COLQ: variants seen among roughly 807,000 people sequenced by gnomAD.
The protein encoded by COLQ is collagen like tail subunit of asymmetric acetylcholinesterase.
COLQ carries 48 observed loss-of-function variants against 69.0 expected under a neutral mutation model. That is an observed-to-expected ratio of 0.70 (90% CI 0.55 to 0.88). COLQ has a LOEUF of 0.88. Ranked by LOEUF, COLQ falls within the 40% of genes least tolerant of loss-of-function variation. COLQ has a pLI of 0.00. For synonymous variants in COLQ, 217 were observed against 211.2 expected (o/e 1.03, Z -0.24); for missense variants, 618 against 594.6 (o/e 1.04, Z -0.41).
Position 15,454,651 on chromosome 3 carries a change from GT to G in COLQ, c.1196-721del, listed in dbSNP as rs56053367. 4.9e-3 allele frequency among the ~76,000 whole-genome samples: 584 copies of G among 118,104 alleles called. 2 individuals are homozygous for G. Among genetic ancestry groups the G allele is most frequent in the African/African-American group, 0.016 (467 of 28,396 alleles). The allele number at this position is 118,104 out of a possible 152,430, so 77.5% of individuals were successfully genotyped here. Reference sequence around the variant, plus strand: ...TGCCCTGTCATCCTTCCCCTGAACTGTTTTTTTTTTTTTTTTTTTTTTGAGA... The same window carrying G: ...TGCCCTGTCATCCTTCCCCTGAACTGTTTTTTTTTTTTTTTTTTTTTGAGA... On this transcript the variant is annotated intron_variant, in intron 15 of 16. Transcript: ENST00000383788.
chr3:15,475,396 G>A lies in COLQ; in HGVS notation c.528+29C>T. ...CTGCTCCAGAGCCTGACAGAGATCTGGGAACGTCCATTTGGACCCCACACT... is the reference window on the plus strand; with the variant it reads ...CTGCTCCAGAGCCTGACAGAGATCTAGGAACGTCCATTTGGACCCCACACT... On this transcript the variant is annotated intron_variant, in intron 7 of 16. Coordinates refer to ENST00000383788, the MANE Select transcript of COLQ (RefSeq NM_005677.4). The A allele has an allele frequency of 3.8e-6, 6 of 1,572,044 alleles. No homozygotes were observed. In the East Asian group the frequency reaches 9.2e-5, roughly 24 times the overall value.
At chr3:15,474,190 G>A (rs1197205342) in intron 9 of COLQ, 38 bp downstream of exon 9, 1 of 1,612,264 alleles carries the variant, frequency 6.2e-7, no homozygotes, top group Non-Finnish European at 8.5e-7. Context: ...TACTTGCACT[G>A]ACATTTATCA....
At chr3:15,498,634 G>C in intron 1 of COLQ, 2 of 1,551,402 alleles carry the variant, frequency 1.3e-6, no homozygotes, top group East Asian at 4.9e-5. Context: ...ACTAGCCGGA[G>C]ACAGGCTGAG....
intron 5 of COLQ, 172 bp downstream of exon 5, chr3:15,478,805 G>T: frequency 1.3e-6 from 1 of 781,536 alleles, no homozygotes; most frequent in Non-Finnish European, 2.2e-6. Context: ...CAAAGAAGTT[G>T]ACAGAAAGGG....
At chr3:15,518,654 A>G (rs2063093970) in intron 1 of COLQ, among the ~76,000 whole-genome samples, 1 of 152,188 alleles carries the variant, frequency 6.6e-6, no homozygotes, top group Non-Finnish European at 1.5e-5. Flanking sequence ...TTTCTTGAAG[A>G]CAGTGAAGGA....
At chr3:15,503,605 T>C (rs1481779130) in intron 1 of COLQ, among the ~76,000 whole-genome samples, 1 of 152,152 alleles carries the variant, frequency 6.6e-6, no homozygotes, top group Non-Finnish European at 1.5e-5. Context: ...GTGCCAACAA[T>C]GGGACACATT....
chr3:15,497,838 TC>T (rs1250821931), intron 1 of COLQ, among the ~76,000 whole-genome samples: 1 of 151,954 alleles, frequency 6.6e-6, no homozygotes, highest in Non-Finnish European at 1.5e-5. Context: ...TGCCCAAAAT[TC>T]CCCCCAATTC....
At position 15,488,291 on chromosome 3, in the gene COLQ, A is replaced by G; in HGVS notation, c.236T>C (p.Met79Thr). The change falls in exon 3 of 17, where the codon ATG becomes ACG. Residue 79 changes from methionine (M) to threonine (T), a missense_variant. Met to Thr is a moderately conservative substitution (Grantham distance 81). Transcript: ENST00000383788. Reference protein sequence around the residue: ...GGRSPLLSPDMKNLMLELETS... With the variant: ...GGRSPLLSPDTKNLMLELETS... ...CTCCAGTTCCAGCATGAGATTCTTC[A>G]TGTCTGGGGAGAGAAGCTTCAGTAC... is the stretch of plus-strand genomic sequence containing the variant. 3 of 1,613,582 alleles carry G rather than the reference A, an allele frequency of 1.9e-6. No homozygotes were observed. The highest frequency in any genetic ancestry group is 1.1e-5 in the South Asian group (1 of 91,084).
At chr3:15,476,822 C>T (rs2062387325) in intron 6 of COLQ, among the ~76,000 whole-genome samples, 1 of 152,300 alleles carries the variant, frequency 6.6e-6, no homozygotes, top group East Asian at 1.9e-4. Context: ...CCTCTTAGGT[C>T]ATCTCAGGGA....
intron 3 of COLQ, among the ~76,000 whole-genome samples, chr3:15,484,349 C>G (rs2062539461): frequency 6.6e-6 from 1 of 152,172 alleles, no homozygotes; most frequent in South Asian, 2.1e-4. Flanking sequence ...GTGGCTGGTA[C>G]CAGTTGTTCC....
At position 15,470,594 on chromosome 3, in the gene COLQ, T is replaced by G; in HGVS notation, c.659A>C (p.Glu220Ala). 1 of 1,614,112 alleles carries G rather than the reference T, an allele frequency of 6.2e-7. No individual in the cohort carries two copies. Among genetic ancestry groups the G allele is most frequent in the Non-Finnish European group, 8.5e-7 (1 of 1,180,014 alleles). The change falls in exon 11 of 17, where the codon GAA becomes GCA. Residue 220 changes from glutamate (E) to alanine (A), a missense_variant. Coordinates refer to ENST00000383788, the MANE Select transcript of COLQ (RefSeq NM_005677.4). ...TCCTCGGTGTCCTGCTATCCCAGGT[T>G]CACCTTTTGGACCCATTTCACCCTG... ...GQKGEMGPKG[E>A]PGIAGHRGPT...
chr3:15,485,460 A>ATCGC (rs1316503527), intron 3 of COLQ, among the ~76,000 whole-genome samples: 1 of 152,240 alleles, frequency 6.6e-6, no homozygotes, highest in Non-Finnish European at 1.5e-5. Flanking sequence ...CGTCTTCTGC[A>ATCGC]TCGCTCACAC....
intron 3 of COLQ, among the ~76,000 whole-genome samples, chr3:15,481,639 A>G (rs1344302985): frequency 1.3e-5 from 2 of 152,176 alleles, no homozygotes; most frequent in African/African-American, 4.8e-5. Context: ...GTTTGAAGTC[A>G]GGTAGTGTGA....
At chr3:15,451,869 C>T (rs940045029) in intron 16 of COLQ, among the ~76,000 whole-genome samples, 156 bp from the exon 17 acceptor site, 1 of 152,182 alleles carries the variant, frequency 6.6e-6, no homozygotes, top group African/African-American at 2.4e-5. Flanking sequence ...TGAATCATGT[C>T]TCTGGGATTT....
chr3:15,506,326 T>C (rs2062910416), intron 1 of COLQ, among the ~76,000 whole-genome samples: 1 of 152,204 alleles, frequency 6.6e-6, no homozygotes, highest in South Asian at 2.1e-4. Flanking sequence ...TTTGTACAGA[T>C]GGTGTTTTGT....
At chr3:15,461,132 A>G (rs2062105213) in intron 12 of COLQ, among the ~76,000 whole-genome samples, 1 of 152,046 alleles carries the variant, frequency 6.6e-6, no homozygotes, top group African/African-American at 2.4e-5. Context: ...GGAAGGACTC[A>G]GCCAAATTTG....
chr3:15,452,296 A>C (rs984974160), intron 16 of COLQ, among the ~76,000 whole-genome samples: 4 of 152,078 alleles, frequency 2.6e-5, no homozygotes, highest in African/African-American at 4.8e-5. Flanking sequence ...CGAACTCTGA[A>C]CCTCAGGTGA....
At chr3:15,495,708 C>T (rs1030303625) in intron 1 of COLQ, among the ~76,000 whole-genome samples, 1 of 152,194 alleles carries the variant, frequency 6.6e-6, no homozygotes, top group Admixed American at 6.5e-5. Flanking sequence ...TCACGGGCTA[C>T]TTTTCTCAGT....
rs956062959 is a variant in COLQ, at chr3:15,473,383, C to T, written c.636+617G>A. On this transcript the variant is annotated intron_variant, in intron 10 of 16. Transcript: ENST00000383788. This position sits in a 1 kb window ranked among gnomAD's most constrained non-coding sequence, Gnocchi z 4.0. ...ATGTTGCCCAGGCTAGTCTCGAACT[C>T]CTGGGTTCAAGCCATCTGCCCACCT... Among the ~76,000 whole-genome samples, 4 of 152,190 alleles carry T rather than the reference C, an allele frequency of 2.6e-5. No individual in the cohort carries two copies. Among genetic ancestry groups the T allele is most frequent in the African/African-American group, 9.7e-5 (4 of 41,442 alleles).
Sources: allele counts gnomAD v4.1 joint callset (sites outside exome capture counted in the v4.1 genomes callset), GRCh38; gene constraint gnomAD v4.1.1; non-coding constraint Gnocchi (gnomAD v3.1); transcripts MANE v1.5; gene names NCBI Gene and HGNC (gene_info 2026-07-23, HGNC 2026-07-21).